Variants in C1orf52 observed in about 807,000 individuals in gnomAD.
C1orf52 encodes the protein chromosome 1 open reading frame 52, also known as UPF0690 protein C1orf52.
A neutral mutation model predicts 17.2 loss-of-function variants in C1orf52; 5 were observed. The ratio of observed to expected loss-of-function variants is 0.29; its 90% confidence interval spans 0.15 to 0.61. The LOEUF is 0.61. C1orf52 is among the 20% of genes least tolerant of loss of function. The probability of loss-of-function intolerance (pLI) is 0.85; values close to 1 mark genes in which losing one functional copy is unlikely to be tolerated. For synonymous variants in C1orf52, 110 were observed against 88.0 expected (o/e 1.25, Z -1.40); for missense variants, 245 against 234.1 (o/e 1.05, Z -0.30).
chr1:85,257,582 A>G (rs1190777547), intron 2 of C1orf52: 10 of 659,504 alleles, frequency 1.5e-5, no homozygotes, highest in Non-Finnish European at 2.5e-5. Flanking sequence ...ATATAATCAG[A>G]TACGACTTTT....
rs1290554679 is a variant in C1orf52 at position 85,251,369 on chromosome 1, G to C, written c.*1260C>G. The C allele has an allele frequency of 1.3e-5, 2 of 152,108 alleles. No homozygotes were observed. Among genetic ancestry groups the C allele is most frequent in the Non-Finnish European group, 2.9e-5 (2 of 68,032 alleles). The allele number at this position is 152,108 out of a possible 1,614,324, so 9.4% of individuals were successfully genotyped here. ...CTTGGCTGTCTTGTTCTTATACACT[G>C]AATGTGCACTGTTCTGTAATTCTTA... On this transcript the variant is annotated 3_prime_UTR_variant, in exon 3 of 3. Transcript: ENST00000471115.
Position 85,252,342 on chromosome 1 carries a change from C to CA in C1orf52, c.*286dup, listed in dbSNP as rs1659820896. On this transcript the variant is annotated 3_prime_UTR_variant, in exon 3 of 3. Coordinates refer to ENST00000471115, the MANE Select transcript of C1orf52 (RefSeq NM_198077.4). The stretch of plus-strand genomic sequence containing the variant: ...AAGGTTTATAAGAACATTGGCATGT[C>CA]AACATGTGACAAAACTCTCAAAGCA... 8.0e-6 allele frequency: 3 copies of CA among 374,332 alleles called. No homozygotes were observed. The highest frequency in any genetic ancestry group is 6.4e-5 in the African/African-American group (3 of 47,130). The allele number at this position is 374,332 out of a possible 1,614,324, so 23.2% of individuals were successfully genotyped here.
At chr1:85,254,925 G>C (rs547670350) in intron 2 of C1orf52, among the ~76,000 whole-genome samples, 1 of 152,296 alleles carries the variant, frequency 6.6e-6, no homozygotes, top group African/African-American at 2.4e-5. Flanking sequence ...TCAGTGATTT[G>C]AGCAGAAGTG....
intron 2 of C1orf52, among the ~76,000 whole-genome samples, chr1:85,253,736 T>C (rs1042449231): frequency 6.6e-6 from 1 of 151,332 alleles, no homozygotes; most frequent in East Asian, 1.9e-4. Flanking sequence ...AAAAGTGAAC[T>C]CTTTTATTGT....
At chr1:85,257,222 A>C (rs1394233627) in intron 2 of C1orf52, among the ~76,000 whole-genome samples, 1 of 152,244 alleles carries the variant, frequency 6.6e-6, no homozygotes, top group African/African-American at 2.4e-5. Flanking sequence ...ACTCATCATA[A>C]AGCAGACAGA....
rs1659819282 is a variant in C1orf52 at position 85,252,295 on chromosome 1, T to G, written c.*334A>C. 1 of 259,318 alleles carries G rather than the reference T, an allele frequency of 3.9e-6. No homozygotes were observed. The highest frequency in any genetic ancestry group is 5.2e-5 in the Admixed American group (1 of 19,220). 16.1% of individuals were successfully genotyped at this position (259,318 alleles called of 1,614,324 possible). A position where few individuals can be genotyped will look rare whatever the true frequency, so the allele number is the denominator to read the frequency against. ...CACAGTACATTACAATATATTTACT[T>G]TAAAAATATATTCCTTTATAAAAGG... On this transcript the variant is annotated 3_prime_UTR_variant, in exon 3 of 3. Transcript: ENST00000471115.
At chr1:85,257,434 C>A (rs1229543444) in intron 2 of C1orf52, 1 of 716,986 alleles carries the variant, frequency 1.4e-6, no homozygotes, top group Non-Finnish European at 2.6e-6. Context: ...AGGCAGGGAA[C>A]CATACAATTC....
At position 85,252,651 on chromosome 1, in the gene C1orf52, T is replaced by C. The variant is rs1377342262; in HGVS notation, c.527A>G (p.Glu176Gly). Residue 176 changes from glutamate to glycine, a missense_variant, in exon 3 of 3, where the codon GAA (glutamate) becomes GGA (glycine). Transcript: ENST00000471115. ...TTTCTACTTTTTCTTCTTTGCTGGT[T>C]CTCCTGGCTCTACTTTGCGCTTTTT... is the stretch of plus-strand genomic sequence containing the variant. ...TSKKRKVEPG[E>G]PAKKKK 1.2e-6 allele frequency: 2 copies of C among 1,613,436 alleles called. No homozygotes were observed. The highest frequency in any genetic ancestry group is 1.7e-6 in the Non-Finnish European group (2 of 1,179,680).
chr1:85,256,972 T>G (rs1328095118), intron 2 of C1orf52, among the ~76,000 whole-genome samples: 2 of 152,148 alleles, frequency 1.3e-5, no homozygotes, highest in African/African-American at 4.8e-5. Context: ...CTAGGTAGAA[T>G]CAAAATTAAA....
intron 2 of C1orf52, among the ~76,000 whole-genome samples, chr1:85,254,592 G>T (rs1031296182): frequency 6.6e-6 from 1 of 151,932 alleles, no homozygotes; most frequent in Non-Finnish European, 1.5e-5. Context: ...GGGGTTTCAC[G>T]GTGTTAACCA....
In C1orf52 at chr1:85,258,930, G is replaced by T. The variant is rs561322555; in HGVS notation, c.277-208C>A. On this transcript the variant is annotated intron_variant, in intron 1 of 2. Coordinates refer to ENST00000471115, the MANE Select transcript of C1orf52 (RefSeq NM_198077.4). ...ATATGAATAAAGCTAATAACTTTTA[G>T]TTACCAAAGAAGAATCCAGTCTCAG... 612 of 1,413,430 alleles carry T rather than the reference G, an allele frequency of 4.3e-4. 2 individuals carry two copies. The Middle Eastern group carries it at 5.0e-3, about 11-fold the overall frequency. The allele number at this position is 1,413,430 out of a possible 1,614,324, so 87.6% of individuals were successfully genotyped here.
Position 85,252,792 on chromosome 1 carries a change from T to C in C1orf52, c.476-90A>G, listed in dbSNP as rs1659832029. ...AATTTCACTGGCTTTATACCAAAATTATTACCCTCATCAATTAATGTTTCT... is the reference window on the plus strand; with the variant it reads ...AATTTCACTGGCTTTATACCAAAATCATTACCCTCATCAATTAATGTTTCT... On this transcript the variant is annotated intron_variant, in intron 2 of 2. Coordinates refer to ENST00000471115, the MANE Select transcript of C1orf52 (RefSeq NM_198077.4). 4 of 760,474 alleles carry C rather than the reference T, an allele frequency of 5.3e-6. No individual in the cohort carries two copies. The East Asian group carries it at 1.1e-4, about 20-fold the overall frequency. The allele number at this position is 760,474 out of a possible 1,614,324, so 47.1% of individuals were successfully genotyped here.
In C1orf52 at chr1:85,255,549, C is replaced by CA. The variant is rs56308033; in HGVS notation, c.476-2848dup. Among the ~76,000 whole-genome samples the CA allele has an allele frequency of 8.1e-3, 1,029 of 126,284 alleles. 9 individuals carry two copies. The highest frequency in any genetic ancestry group is 0.017 in the African/African-American group (599 of 34,236). 82.8% of individuals were successfully genotyped at this position (126,284 alleles called of 152,430 possible). On this transcript the variant is annotated intron_variant, in intron 2 of 2. Transcript: ENST00000471115. ...TGGGCGACAGAGCGAGACTCCATCT[C>CA]AAAAAAAAAAAAAAACCCGAAGGGC...
At chr1:85,259,261 CGT>C in intron 1 of C1orf52, 95 bp downstream of exon 1, 1 of 1,289,632 alleles carries the variant, frequency 7.8e-7, no homozygotes, top group South Asian at 1.4e-5. Context: ...GGGGTGACTG[CGT>C]GTGGGGGGAT....
In C1orf52 at chr1:85,251,770, G is replaced by T. The variant is rs1659808264; in HGVS notation, c.*859C>A. 6.6e-6 allele frequency: 1 copy of T among 152,146 alleles called. No individual in the cohort carries two copies. The highest frequency in any genetic ancestry group is 1.5e-5 in the Non-Finnish European group (1 of 68,030). 9.4% of individuals were successfully genotyped at this position (152,146 alleles called of 1,614,324 possible). On this transcript the variant is annotated 3_prime_UTR_variant, in exon 3 of 3. Coordinates refer to ENST00000471115, the MANE Select transcript of C1orf52 (RefSeq NM_198077.4). ...CCATAAAGCACAGATGACAAGTACA[G>T]TCATCCAATCAGGAGAGGAAAAGAT...
rs1418331321 is a variant in C1orf52, at chr1:85,250,652, A to G, written c.*1977T>C. The G allele has an allele frequency of 6.6e-6, 1 of 152,218 alleles. No individual in the cohort carries two copies. Among genetic ancestry groups the G allele is most frequent in the Non-Finnish European group, 1.5e-5 (1 of 68,048 alleles). 9.4% of individuals were successfully genotyped at this position (152,218 alleles called of 1,614,324 possible). A position where few individuals can be genotyped will look rare whatever the true frequency, so the allele number is the denominator to read the frequency against. On this transcript the variant is annotated 3_prime_UTR_variant, in exon 3 of 3. Coordinates refer to ENST00000471115, the MANE Select transcript of C1orf52 (RefSeq NM_198077.4). The stretch of plus-strand genomic sequence containing the variant: ...ATACTCTGCACATCTCCCAGGAAAG[A>G]GAGAAAAAAGTTTGCTTTCATGCTA...
chr1:85,257,540 T>C lies in C1orf52; in HGVS notation c.475+984A>G, dbSNP rs1169020397. The C allele has an allele frequency of 5.7e-6, 4 of 699,212 alleles. No individual in the cohort carries two copies. The African/African-American group carries it at 7.2e-5, about 13-fold the overall frequency. 43.3% of individuals were successfully genotyped at this position (699,212 alleles called of 1,614,324 possible). ...GCCTATTAATACAAGGCCTTGACTT[T>C]ATCCCGTTGAAGGGTTTTAAGCAGG... On this transcript the variant is annotated intron_variant, in intron 2 of 2. Coordinates refer to ENST00000471115, the MANE Select transcript of C1orf52 (RefSeq NM_198077.4).
At chr1:85,252,829 C>A in intron 2 of C1orf52, 127 bp from the exon 3 acceptor site, 1 of 640,096 alleles carries the variant, frequency 1.6e-6, no homozygotes, top group Admixed American at 3.3e-5. Context: ...TCAGAGTTTC[C>A]CAATAAAAAA....
rs747803807 is a variant in C1orf52, at chr1:85,259,482, T to G, written c.152A>C (p.Lys51Thr). ...PAKSAGGCRN[K>T]AEKRLPGPDE... is the part of the protein sequence containing the mutation. ...AGGTCCCGGGAGCCGCTTCTCCGCCTTGTTCCTACAGCCGCCCGCCGACTT... is the reference window on the plus strand; with the variant it reads ...AGGTCCCGGGAGCCGCTTCTCCGCCGTGTTCCTACAGCCGCCCGCCGACTT... Residue 51 changes from lysine to threonine, a missense_variant, in exon 1 of 3, where the codon AAG (lysine) becomes ACG (threonine). By Grantham distance (78) the Lys-to-Thr change is moderately conservative (BLOSUM62 -1). Coordinates refer to ENST00000471115, the MANE Select transcript of C1orf52 (RefSeq NM_198077.4). The G allele has an allele frequency of 6.2e-6, 10 of 1,613,812 alleles. No homozygotes were observed. Among genetic ancestry groups the G allele is most frequent in the Admixed American group, 5.0e-5 (3 of 60,010 alleles).
Sources: allele counts gnomAD v4.1 joint callset (sites outside exome capture counted in the v4.1 genomes callset), GRCh38; gene constraint gnomAD v4.1.1; transcripts MANE v1.5; gene names NCBI Gene and HGNC (gene_info 2026-07-23, HGNC 2026-07-21).